The following WDR27 variants were observed in gnomAD, a reference collection of about 807,000 sequenced individuals.
WDR27 encodes the protein WD repeat-containing protein 27.
WDR27 carries 100 observed loss-of-function variants against 114.4 expected under a neutral mutation model. That is an observed-to-expected ratio of 0.87 (90% CI 0.74 to 1.03). The LOEUF (loss-of-function observed/expected upper bound fraction) is 1.03, where lower values mean the gene tolerates loss of function less well. WDR27 is among the 50% of genes least tolerant of loss of function. WDR27 has a pLI of 0.00. For missense variants in WDR27, 1,129 were observed against 1,092.9 expected (o/e 1.03, Z -0.47); for synonymous variants, 449 against 423.1 (o/e 1.06, Z -0.75).
intron 21 of WDR27, among the ~76,000 whole-genome samples, chr6:169,621,254 A>G (rs981665154): frequency 8.5e-5 from 13 of 152,058 alleles, no homozygotes; most frequent in Non-Finnish European, 1.8e-4. Context: ...ACATACCCAC[A>G]CATACATTCA....
chr6:169,619,322 TAA>T (rs1336902420), intron 21 of WDR27, among the ~76,000 whole-genome samples: 1 of 152,222 alleles, frequency 6.6e-6, no homozygotes, highest in Non-Finnish European at 1.5e-5. Flanking sequence ...GGCCAACTTG[TAA>T]AAACAGTCTT....
chr6:169,664,200 T>C lies in WDR27; in HGVS notation c.870A>G (p.Thr290=), dbSNP rs1357115551. ...TGCACAGCCCAGACTTAACCCTTCT[T>C]GTGGAGAAAGTCTCTGTCTTCTTCC... ...DLRKKTETFS[T]RRVKSGLCSQ... is the part of the protein sequence containing the mutation. Residue 290 remains threonine, a synonymous_variant, in exon 8 of 26, where the codon ACA becomes ACG. Transcript: ENST00000448612. The C allele has an allele frequency of 5.0e-6, 8 of 1,610,394 alleles. No individual in the cohort carries two copies. The highest frequency in any genetic ancestry group is 6.8e-6 in the Non-Finnish European group (8 of 1,178,080).
At chr6:169,657,264 G>A (rs1024904722) in intron 13 of WDR27, among the ~76,000 whole-genome samples, 1 of 152,258 alleles carries the variant, frequency 6.6e-6, no homozygotes, top group Admixed American at 6.5e-5. Context: ...GAATGGCACA[G>A]AAGGTGTTCG....
At chr6:169,450,240 T>C in the WDR27 span, among the ~76,000 whole-genome samples, 344 of 152,206 alleles carry the variant, frequency 2.3e-3, 6 homozygotes, top group East Asian at 0.016. Context: ...TGGTGCCAAA[T>C]CCCCTGGAGA....
intron 25 of WDR27, among the ~76,000 whole-genome samples, chr6:169,549,787 T>C (rs1584138184): frequency 1.3e-5 from 2 of 152,284 alleles, no homozygotes; most frequent in East Asian, 3.9e-4. Context: ...GGCTGCATGC[T>C]GTGTGATTCC....
At chr6:169,630,829 G>A (rs1057325137) in intron 21 of WDR27, among the ~76,000 whole-genome samples, 3 of 152,190 alleles carry the variant, frequency 2.0e-5, no homozygotes, top group Non-Finnish European at 2.9e-5. Context: ...AGGAGGTGGA[G>A]GTTGCAGTGA....
At chr6:169,445,175 T>C in the WDR27 span, among the ~76,000 whole-genome samples, 6 of 152,318 alleles carry the variant, frequency 3.9e-5, no homozygotes, top group South Asian at 4.1e-4. Context: ...ATCATAAGAA[T>C]TGTCACACGT....
intron 2 of WDR27, among the ~76,000 whole-genome samples, chr6:169,673,538 T>G (rs1473596841): frequency 6.6e-6 from 1 of 151,842 alleles, no homozygotes; most frequent in Non-Finnish European, 1.5e-5. Flanking sequence ...AACAAGATTA[T>G]ATATAGGGCA....
chr6:169,566,365 C>A (rs564770600), intron 25 of WDR27, among the ~76,000 whole-genome samples: 139 of 152,326 alleles, frequency 9.1e-4, no homozygotes, highest in African/African-American at 3.1e-3. Flanking sequence ...TTGCTCCTGG[C>A]AGGGAGCCCC....
chr6:169,698,527 G>A (rs570271498), intron 1 of WDR27, among the ~76,000 whole-genome samples: 2 of 152,330 alleles, frequency 1.3e-5, no homozygotes, highest in South Asian at 2.1e-4. Flanking sequence ...AATCATTTGT[G>A]TAAAAAGTTA....
chr6:169,634,476 C>T lies in WDR27; in HGVS notation c.2053G>A (p.Gly685Ser). 6.2e-7 allele frequency: 1 copy of T among 1,613,246 alleles called. No individual in the cohort carries two copies. The highest frequency in any genetic ancestry group is 1.3e-5 in the African/African-American group (1 of 74,992). The change falls in exon 20 of 26, where the codon GGT becomes AGT. Residue 685 changes from glycine (G) to serine (S), a missense_variant. Gly to Ser is a moderately conservative substitution (Grantham distance 56). Transcript: ENST00000448612. ...SKLICRLSTT[G>S]AVDMTSLSAV... is the part of the protein sequence containing the mutation. ...GATAAACTGGTCATGTCTACTGCAC[C>T]CGTCGTGGAGAGCCTGCAAATCAGC...
chr6:169,596,319 T>C (rs967249179), intron 23 of WDR27, among the ~76,000 whole-genome samples: 1 of 152,096 alleles, frequency 6.6e-6, no homozygotes, highest in South Asian at 2.1e-4. Flanking sequence ...ATTTTCTTTA[T>C]TTACTTCTCT....
rs558266858 is a variant in WDR27 at position 169,535,761 on chromosome 6, C to A, written c.2645+36658G>T. Among the ~76,000 whole-genome samples the A allele has an allele frequency of 2.6e-5, 4 of 152,294 alleles. No individual in the cohort carries two copies. The East Asian group carries it at 7.7e-4, about 29-fold the overall frequency. ...CAGAACTTGGTAAGTCAGACAAGAG[C>A]AACAAAGGAGGTTCAAGATGAAGGT... On this transcript the variant is annotated intron_variant, in intron 25 of 25. Transcript: ENST00000448612.
chr6:169,467,133 G>C (rs79922236), intron 25 of WDR27, among the ~76,000 whole-genome samples: 2,492 of 152,258 alleles, frequency 0.016, 67 homozygotes, highest in African/African-American at 0.057. Context: ...GCTCATTAGA[G>C]GCAGGTTCCC....
chr6:169,520,987 A>G (rs1794310501), intron 25 of WDR27, among the ~76,000 whole-genome samples: 1 of 152,186 alleles, frequency 6.6e-6, no homozygotes, highest in East Asian at 1.9e-4. Flanking sequence ...ACATATTAAC[A>G]GAAAACTTGC....
chr6:169,655,742 C>T (rs996003362), intron 13 of WDR27, among the ~76,000 whole-genome samples: 3 of 152,076 alleles, frequency 2.0e-5, no homozygotes, highest in Admixed American at 6.6e-5. Flanking sequence ...TTTTTTGAGA[C>T]GGAGTCTCGC....
intron 22 of WDR27, among the ~76,000 whole-genome samples, chr6:169,609,906 G>T (rs1357046042): frequency 6.6e-6 from 1 of 152,152 alleles, no homozygotes; most frequent in Non-Finnish European, 1.5e-5. Context: ...TTGCTGCTTA[G>T]AAATTTCTTC....
At chr6:169,566,256 C>T (rs1464542321) in intron 25 of WDR27, among the ~76,000 whole-genome samples, 1 of 152,228 alleles carries the variant, frequency 6.6e-6, no homozygotes, top group Admixed American at 6.5e-5. Flanking sequence ...TAAAATTCCT[C>T]AAGTCAATTC....
chr6:169,525,866 G>C (rs1004676489), intron 25 of WDR27, among the ~76,000 whole-genome samples: 5 of 152,152 alleles, frequency 3.3e-5, no homozygotes, highest in African/African-American at 1.2e-4. Context: ...AATGGATAAA[G>C]AAAATGTGGT....
Sources: gnomAD v4.1 joint callset for allele counts (sites outside exome capture counted in the v4.1 genomes callset) on GRCh38, gnomAD v4.1.1 for gene constraint, MANE v1.5 for transcripts, NCBI Gene and HGNC (gene_info 2026-07-23, HGNC 2026-07-21) for gene names.